Variants in MAST4 observed in about 807,000 individuals in gnomAD.
MAST4 encodes microtubule-associated serine/threonine-protein kinase 4.
A neutral mutation model predicts 162.7 loss-of-function variants in MAST4; 89 were observed. That is an observed-to-expected ratio of 0.55 (90% CI 0.46 to 0.65). The LOEUF is 0.65. Ranked by LOEUF, MAST4 falls within the 30% of genes least tolerant of loss-of-function variation. The probability of loss-of-function intolerance (pLI) is 0.00; values close to 1 mark genes in which losing one functional copy is unlikely to be tolerated. For missense variants in MAST4, 3,153 were observed against 3,374.0 expected (o/e 0.93, Z 1.62); for synonymous variants, 1,479 against 1,361.1 (o/e 1.09, Z -1.91).
chr5:66,683,129 A>C (rs948629520), intron 1 of MAST4, among the ~76,000 whole-genome samples: 1 of 152,140 alleles, frequency 6.6e-6, no homozygotes, highest in Non-Finnish European at 1.5e-5. Context: ...ATCAGCATCT[A>C]TCTCACTGTG....
chr5:66,998,858 G>T (rs1233627477), intron 4 of MAST4, among the ~76,000 whole-genome samples: 1 of 152,210 alleles, frequency 6.6e-6, no homozygotes, highest in Non-Finnish European at 1.5e-5. Context: ...TTTCATGCAG[G>T]AGCTCTCAGG....
chr5:67,136,308 TCTG>T (rs1769637030), intron 18 of MAST4, among the ~76,000 whole-genome samples: 1 of 152,230 alleles, frequency 6.6e-6, no homozygotes, highest in Non-Finnish European at 1.5e-5. Flanking sequence ...AAATTAAAGA[TCTG>T]CTTATTGAAA....
At chr5:66,740,001 C>T (rs1272344241) in intron 1 of MAST4, among the ~76,000 whole-genome samples, 3 of 151,996 alleles carry the variant, frequency 2.0e-5, no homozygotes, top group Non-Finnish European at 1.5e-5. Flanking sequence ...TAATCCATAT[C>T]CTTTGTCTTG....
chr5:67,114,035 C>T, intron 11 of MAST4, 52 bp from the exon 12 acceptor site: 1 of 1,606,844 alleles, frequency 6.2e-7, no homozygotes, highest in South Asian at 1.1e-5. Flanking sequence ...GTAATAAAAC[C>T]TCAGACAATT....
chr5:66,733,509 G>A (rs1313139680), intron 1 of MAST4, among the ~76,000 whole-genome samples: 2 of 152,172 alleles, frequency 1.3e-5, no homozygotes, highest in Non-Finnish European at 2.9e-5. Flanking sequence ...ACCCAGGCTG[G>A]AGTGCAGTGG....
intron 3 of MAST4, among the ~76,000 whole-genome samples, chr5:66,804,243 A>T (rs187404645): frequency 2.2e-4 from 34 of 152,334 alleles, no homozygotes; most frequent in African/African-American, 7.9e-4. Flanking sequence ...CGAAGTAGGA[A>T]TGTATATCAG....
intron 4 of MAST4, among the ~76,000 whole-genome samples, chr5:66,971,429 G>T (rs1747421645): frequency 6.6e-6 from 1 of 152,130 alleles, no homozygotes; most frequent in African/African-American, 2.4e-5. Context: ...CCATTGCGGT[G>T]TTATTCAGAG....
intron 4 of MAST4, among the ~76,000 whole-genome samples, chr5:67,041,081 T>G (rs1756681922): frequency 6.6e-6 from 1 of 152,228 alleles, no homozygotes; most frequent in Non-Finnish European, 1.5e-5. Context: ...ATTATTATTT[T>G]TAATCACTTT....
intron 4 of MAST4, chr5:67,004,794 G>T: frequency 1.8e-6 from 1 of 553,304 alleles, no homozygotes; most frequent in Non-Finnish European, 3.2e-6. Flanking sequence ...TTAATTAAAG[G>T]CTAGGACGGG....
At chr5:66,809,663 CTCTT>C (rs1756381645) in intron 3 of MAST4, among the ~76,000 whole-genome samples, 1 of 152,194 alleles carries the variant, frequency 6.6e-6, no homozygotes, top group African/African-American at 2.4e-5. Flanking sequence ...CTTTATCTCT[CTCTT>C]CTCCCTGTGA....
chr5:66,799,634 C>T (rs1372383764), intron 3 of MAST4, among the ~76,000 whole-genome samples: 1 of 152,154 alleles, frequency 6.6e-6, no homozygotes, highest in East Asian at 1.9e-4. Context: ...TGGAGAATTT[C>T]TTGGATGGAA....
intron 4 of MAST4, among the ~76,000 whole-genome samples, chr5:66,945,345 A>G (rs1743893491): frequency 6.6e-6 from 1 of 152,144 alleles, no homozygotes; most frequent in South Asian, 2.1e-4. Context: ...AACAGTTCAC[A>G]TTCCGGGGTT....
chr5:66,749,912 C>T (rs764779133), intron 1 of MAST4, among the ~76,000 whole-genome samples: 30 of 152,066 alleles, frequency 2.0e-4, no homozygotes, highest in East Asian at 5.8e-4. Flanking sequence ...TTATAGGCTT[C>T]GGTTTAAAAG....
chr5:67,084,997 A>G (rs1019446601), intron 5 of MAST4, among the ~76,000 whole-genome samples: 2 of 152,344 alleles, frequency 1.3e-5, no homozygotes, highest in South Asian at 2.1e-4. Context: ...ATATAATTGC[A>G]TAATCGTGGA....
Position 67,166,440 on chromosome 5 carries a change from G to A in MAST4, c.7261G>A (p.Gly2421Arg). The A allele has an allele frequency of 1.9e-6, 3 of 1,603,180 alleles. No homozygotes were observed. The highest frequency in any genetic ancestry group is 2.6e-6 in the Non-Finnish European group (3 of 1,174,682). Residue 2421 changes from glycine (G) to arginine (R), a missense_variant, in exon 29 of 29, where the codon GGG becomes AGG. By Grantham distance (125) the Gly-to-Arg change is moderately radical (BLOSUM62 -2). Coordinates refer to ENST00000403625, the MANE Select transcript of MAST4 (RefSeq NM_001164664.2). ...GGGCTTCCCTGAGGCCAGAGGGAAA[G>A]GGCCCGGTCCCCAGAAGCCACCGAC... ...GKGFPEARGKGPGPQKPPTEA... is the reference protein window; with the variant it reads ...GKGFPEARGKRPGPQKPPTEA...
intron 2 of MAST4, among the ~76,000 whole-genome samples, chr5:66,771,066 C>A (rs2149636911): frequency 6.6e-6 from 1 of 152,292 alleles, no homozygotes; most frequent in South Asian, 2.1e-4. Context: ...GCAAACCAAA[C>A]TCAGTAACTG....
chr5:67,026,639 T>C (rs1754682308), intron 4 of MAST4, among the ~76,000 whole-genome samples: 3 of 133,202 alleles, frequency 2.3e-5, no homozygotes, highest in African/African-American at 9.7e-5. Context: ...ATCAATACAT[T>C]TTATTGACTC....
At chr5:66,788,607 C>CCAAGAAAAAAAAAA in intron 2 of MAST4, 63 bp from the exon 3 acceptor site, 3 of 1,373,720 alleles carry the variant, frequency 2.2e-6, no homozygotes, top group East Asian at 2.7e-5. Flanking sequence ...CCCCCACCCC[C>CCAAGAAAAAAAAAA]ATTGCAATAA....
chr5:67,021,394 A>G (rs10041705), intron 4 of MAST4, among the ~76,000 whole-genome samples: 29,306 of 152,180 alleles, frequency 0.19, 3,310 homozygotes, highest in Non-Finnish European at 0.26. Context: ...TTCTCACTAT[A>G]TATTGCAAGG....
Sources: gnomAD v4.1 joint callset for allele counts (sites outside exome capture counted in the v4.1 genomes callset) on GRCh38, gnomAD v4.1.1 for gene constraint, MANE v1.5 for transcripts, NCBI Gene and HGNC (gene_info 2026-07-23, HGNC 2026-07-21) for gene names.